The following TTC21B variants were observed in gnomAD, a reference collection of about 807,000 sequenced individuals.
TTC21B encodes tetratricopeptide repeat domain 21B.
In TTC21B, 127 loss-of-function variants were observed where a neutral mutation model predicts 175.1. The ratio of observed to expected loss-of-function variants is 0.73; its 90% CI spans 0.63 to 0.84. The LOEUF is 0.84. TTC21B is among the 40% of genes least tolerant of loss of function. The pLI, the probability that TTC21B is intolerant of heterozygous loss-of-function variation, is 0.00. For synonymous variants in TTC21B, 524 were observed against 524.5 expected (o/e 1.00, Z 0.01); for missense variants, 1,561 against 1,558.3 (o/e 1.00, Z -0.03).
At chr2:165,944,050 A>G (rs1426021172) in intron 4 of TTC21B, among the ~76,000 whole-genome samples, 2 of 152,158 alleles carry the variant, frequency 1.3e-5, no homozygotes, top group Admixed American at 6.5e-5. Flanking sequence ...AACTAAGACT[A>G]TATTTACCTC....
At chr2:165,888,033 G>A (rs1160245166) in intron 25 of TTC21B, among the ~76,000 whole-genome samples, 3 of 152,260 alleles carry the variant, frequency 2.0e-5, no homozygotes, top group African/African-American at 7.2e-5. Flanking sequence ...ATATACTTTT[G>A]AAGAATTCAG....
At chr2:165,893,138 C>A (rs1440407361) in intron 22 of TTC21B, among the ~76,000 whole-genome samples, 5 of 152,104 alleles carry the variant, frequency 3.3e-5, no homozygotes, top group Admixed American at 2.6e-4. Flanking sequence ...TACTCAAATT[C>A]TTTGAGTCCA....
intron 11 of TTC21B, among the ~76,000 whole-genome samples, chr2:165,928,009 T>C (rs1352312678): frequency 6.6e-6 from 1 of 152,234 alleles, no homozygotes; most frequent in Non-Finnish European, 1.5e-5. Flanking sequence ...ATCTGCTTAC[T>C]ATCTGTAATA....
intron 22 of TTC21B, among the ~76,000 whole-genome samples, chr2:165,891,346 C>G (rs1417004925): frequency 1.3e-5 from 2 of 152,162 alleles, no homozygotes; most frequent in Non-Finnish European, 2.9e-5. Flanking sequence ...TTGCACAGGA[C>G]AAGTTCACTG....
intron 18 of TTC21B, among the ~76,000 whole-genome samples, chr2:165,909,374 C>T (rs1685852937): frequency 6.6e-6 from 1 of 151,822 alleles, no homozygotes; most frequent in Non-Finnish European, 1.5e-5. Flanking sequence ...CAAAAAAAGA[C>T]ATGAAAAGCA....
At chr2:165,936,769 G>A (rs1687166693) in intron 6 of TTC21B, among the ~76,000 whole-genome samples, 1 of 151,936 alleles carries the variant, frequency 6.6e-6, no homozygotes, top group African/African-American at 2.4e-5. Flanking sequence ...CTATTAGAAT[G>A]GCCAAAATCC....
rs993702784 is a variant in TTC21B, at chr2:165,905,234, A to G, written c.2568+2444T>C. ...AATAATAAAAGGAGGTATAAATAAC[A>G]CAATAGAGGGGAAAGTGGAATAAGA... On this transcript the variant is annotated intron_variant, in intron 19 of 28. Transcript: ENST00000243344. Among the ~76,000 whole-genome samples, 4 of 152,328 alleles carry G rather than the reference A, an allele frequency of 2.6e-5. No individual in the cohort carries two copies. In the East Asian group the frequency reaches 5.8e-4, roughly 22 times the overall value.
At position 165,888,457 on chromosome 2, in the gene TTC21B, T is replaced by C; in HGVS notation, c.3281A>G (p.Gln1094Arg). ...TCTTACTGCCAGTTGCACAGATTCT[T>C]GCTTCTCAGTTGAATTACTGTATAT... ...DGDLGNSTEK[Q>R]ESVQLAVRTA... Residue 1094 changes from glutamine (Q) to arginine (R), a missense_variant, in exon 25 of 29, where the codon CAA becomes CGA. Physicochemically the swap from Gln to Arg is conservative, Grantham distance 43 (BLOSUM62 1). Coordinates refer to ENST00000243344, the MANE Select transcript of TTC21B (RefSeq NM_024753.5). 2.5e-6 allele frequency: 4 copies of C among 1,613,344 alleles called. No individual in the cohort carries two copies. The highest frequency in any genetic ancestry group is 3.4e-6 in the Non-Finnish European group (4 of 1,179,500).
At chr2:165,934,607 A>T (rs1687056720) in intron 6 of TTC21B, 1 of 151,128 alleles carries the variant, frequency 6.6e-6, no homozygotes, top group African/African-American at 2.4e-5. Flanking sequence ...CTCACTTAAA[A>T]AAAAAAAAAG....
chr2:165,884,382 C>T (rs1684938966), intron 25 of TTC21B, among the ~76,000 whole-genome samples: 1 of 152,108 alleles, frequency 6.6e-6, no homozygotes, highest in South Asian at 2.1e-4. Context: ...CCTTATTGAG[C>T]AGTTTGTATT....
intron 18 of TTC21B, among the ~76,000 whole-genome samples, chr2:165,908,538 GCA>G (rs1478648198): frequency 3.3e-5 from 5 of 152,106 alleles, no homozygotes; most frequent in African/African-American, 9.7e-5. Context: ...TTTGTCAAGT[GCA>G]CAGTTCATGA....
chr2:165,878,026 C>A (rs1684724566), intron 27 of TTC21B, among the ~76,000 whole-genome samples: 2 of 152,134 alleles, frequency 1.3e-5, no homozygotes, highest in African/African-American at 4.8e-5. Flanking sequence ...ACGCAAGTGG[C>A]TTGAGCTGTC....
At chr2:165,875,570 A>G (rs999970422) in intron 28 of TTC21B, among the ~76,000 whole-genome samples, 1 of 152,162 alleles carries the variant, frequency 6.6e-6, no homozygotes, top group African/African-American at 2.4e-5. Context: ...TGTAATTTAA[A>G]TATTTGTCAT....
At chr2:165,931,711 C>T (rs1268577443) in intron 8 of TTC21B, 47 bp downstream of exon 8, 3 of 1,471,394 alleles carry the variant, frequency 2.0e-6, no homozygotes, top group Non-Finnish European at 2.9e-6. Flanking sequence ...TATTTTATGT[C>T]CTCTACTATA....
chr2:165,953,647 G>GCCCA, intron 1 of TTC21B, 38 bp downstream of exon 1: 1 of 1,494,108 alleles, frequency 6.7e-7, no homozygotes, highest in Non-Finnish European at 9.0e-7. Flanking sequence ...AACTCCGCCC[G>GCCCA]CCCGCCCGCT....
intron 3 of TTC21B, chr2:165,949,122 A>T (rs1687680741): frequency 2.4e-6 from 1 of 412,132 alleles, no homozygotes; most frequent in South Asian, 2.9e-5. Context: ...TTGTGTAACA[A>T]TTACTAATAT....
chr2:165,882,998 G>T (rs1684886161), intron 26 of TTC21B, among the ~76,000 whole-genome samples: 2 of 152,036 alleles, frequency 1.3e-5, no homozygotes, highest in Admixed American at 1.3e-4. Flanking sequence ...AGGTTCTTAA[G>T]TTCCTAGGAA....
chr2:165,914,201 T>G (rs1686059274), intron 15 of TTC21B, among the ~76,000 whole-genome samples: 1 of 152,180 alleles, frequency 6.6e-6, no homozygotes, highest in South Asian at 2.1e-4. Context: ...CATACAGTAT[T>G]TCATCTAACT....
intron 26 of TTC21B, among the ~76,000 whole-genome samples, chr2:165,881,263 TAAAAGA>T (rs1030912421): frequency 8.5e-5 from 13 of 152,166 alleles, no homozygotes; most frequent in African/African-American, 2.9e-4. Flanking sequence ...TGTGCATCTG[TAAAAGA>T]AAAAGACGTT....
Sources: gnomAD v4.1 joint callset for allele counts (sites outside exome capture counted in the v4.1 genomes callset) on GRCh38, gnomAD v4.1.1 for gene constraint, MANE v1.5 for transcripts, NCBI Gene and HGNC (gene_info 2026-07-23, HGNC 2026-07-21) for gene names.